The following KCNH7 variants were observed in gnomAD, a reference collection of about 807,000 sequenced individuals.
KCNH7 encodes voltage-gated inwardly rectifying potassium channel KCNH7.
In KCNH7, 49 loss-of-function variants were observed where a neutral mutation model predicts 120.8. The observed-to-expected ratio is 0.41, with a 90% confidence interval of 0.32 to 0.51. KCNH7 has a LOEUF of 0.51. KCNH7 is among the 20% of genes least tolerant of loss of function. The pLI, the probability that KCNH7 is intolerant of heterozygous loss-of-function variation, is 0.38. For synonymous variants in KCNH7, 547 were observed against 516.1 expected (o/e 1.06, Z -0.81); for missense variants, 1,097 against 1,446.6 (o/e 0.76, Z 3.92).
intron 2 of KCNH7, among the ~76,000 whole-genome samples, chr2:162,549,863 G>A (rs964168569): frequency 6.6e-6 from 1 of 152,120 alleles, no homozygotes; most frequent in Non-Finnish European, 1.5e-5. Flanking sequence ...TTGTCATCTT[G>A]TAACATCACT....
intron 2 of KCNH7, among the ~76,000 whole-genome samples, chr2:162,624,689 A>C (rs1361632748): frequency 6.6e-6 from 1 of 152,016 alleles, no homozygotes; most frequent in Non-Finnish European, 1.5e-5. Context: ...TATCATATAC[A>C]TCTTTCCAGA....
At chr2:162,780,900 GT>G (rs998464380) in intron 2 of KCNH7, among the ~76,000 whole-genome samples, 3 of 152,166 alleles carry the variant, frequency 2.0e-5, no homozygotes, top group East Asian at 1.9e-4. Flanking sequence ...TAAAAAGACT[GT>G]AATAAACTGG....
intron 2 of KCNH7, among the ~76,000 whole-genome samples, chr2:162,756,861 T>C (rs766352498): frequency 3.9e-5 from 6 of 152,146 alleles, no homozygotes; most frequent in Non-Finnish European, 8.8e-5. Context: ...AGATTCGCTT[T>C]TAGATGACAC....
In KCNH7 at chr2:162,380,094, A is replaced by T. The variant is rs549873864; in HGVS notation, c.2963-73T>A. 358 of 1,531,776 alleles carry T rather than the reference A, an allele frequency of 2.3e-4. No homozygotes were observed. In the African/African-American group the frequency reaches 4.4e-3, roughly 19 times the overall value. 94.9% of individuals were successfully genotyped at this position (1,531,776 alleles called of 1,614,324 possible). A position where few individuals can be genotyped will look rare whatever the true frequency, so the allele number is the denominator to read the frequency against. On this transcript the variant is annotated intron_variant, in intron 13 of 15. Coordinates refer to ENST00000332142, the MANE Select transcript of KCNH7 (RefSeq NM_033272.4). ...GCGTCAATAATTCATAGATATCCACAAGACAAGCTGGAAAGGATCGGAGTA... is the reference window on the plus strand; with the variant it reads ...GCGTCAATAATTCATAGATATCCACTAGACAAGCTGGAAAGGATCGGAGTA...
At chr2:162,559,644 T>C (rs1050907466) in intron 2 of KCNH7, among the ~76,000 whole-genome samples, 2 of 152,208 alleles carry the variant, frequency 1.3e-5, no homozygotes, top group East Asian at 1.9e-4. Flanking sequence ...CACTTCATTG[T>C]AACCTCTTCA....
At position 162,668,937 on chromosome 2, in the gene KCNH7, T is replaced by G. The variant is rs373960108; in HGVS notation, c.308-131857A>C. On this transcript the variant is annotated intron_variant, in intron 2 of 15. Transcript: ENST00000332142. ...AAATGTAATACTTGAAATTAAAAAC[T>G]TAATAGATGTGTTCAATAGCAGATA... is the stretch of plus-strand genomic sequence containing the variant. 3.5e-4 allele frequency among the ~76,000 whole-genome samples: 53 copies of G among 152,212 alleles called. No homozygotes were observed. In the South Asian group the frequency reaches 0.01, roughly 30 times the overall value.
At chr2:162,447,631 G>A (rs889605859) in intron 6 of KCNH7, among the ~76,000 whole-genome samples, 1 of 152,084 alleles carries the variant, frequency 6.6e-6, no homozygotes. Context: ...CAGCTTTGCA[G>A]CATGGATCTC....
rs758417385 is a variant in KCNH7 at position 162,419,274 on chromosome 2, T to TAAA, written c.2154+4059_2154+4061dup. On this transcript the variant is annotated intron_variant, in intron 9 of 15. Coordinates refer to ENST00000332142, the MANE Select transcript of KCNH7 (RefSeq NM_033272.4). Reference sequence around the variant, plus strand: ...AATTTCCTCCATTAATGTCCCAGGCTAAAAAAAAAAAAAAAAAAAAAAAGC... The same window carrying TAAA: ...AATTTCCTCCATTAATGTCCCAGGCTAAAAAAAAAAAAAAAAAAAAAAAAAAGC... 2.6e-3 allele frequency among the ~76,000 whole-genome samples: 161 copies of TAAA among 61,862 alleles called. 3 individuals are homozygous for TAAA. The highest frequency in any genetic ancestry group is 8.6e-3 in the African/African-American group (145 of 16,842). The allele number at this position is 61,862 out of a possible 152,430, so 40.6% of individuals were successfully genotyped here. A position where few individuals can be genotyped will look rare whatever the true frequency, so the allele number is the denominator to read the frequency against.
intron 2 of KCNH7, among the ~76,000 whole-genome samples, chr2:162,827,936 G>A (rs1352339276): frequency 1.3e-5 from 2 of 152,124 alleles, no homozygotes; most frequent in Admixed American, 6.6e-5. Context: ...TGGGAGAAGA[G>A]CTATCCTGAG....
intron 2 of KCNH7, among the ~76,000 whole-genome samples, chr2:162,752,919 A>AAAAGAAAAGAAAAGT: frequency 1.6e-5 from 1 of 63,096 alleles, no homozygotes; most frequent in Non-Finnish European, 2.8e-5. Context: ...AAAAGAAAAG[A>AAAAGAAAAGAAAAGT]AAAGAAAAGA....
chr2:162,450,006 A>C (rs924841317), intron 6 of KCNH7, among the ~76,000 whole-genome samples: 1 of 152,098 alleles, frequency 6.6e-6, no homozygotes, highest in African/African-American at 2.4e-5. Flanking sequence ...TAATAGATAC[A>C]ACATTTTTCT....
At chr2:162,802,653 T>C in intron 2 of KCNH7, among the ~76,000 whole-genome samples, 1 of 151,876 alleles carries the variant, frequency 6.6e-6, no homozygotes, top group Middle Eastern at 3.4e-3. Flanking sequence ...TGACAATATA[T>C]TTTATCTAAT....
chr2:162,564,042 T>C (rs1693162730), intron 2 of KCNH7, among the ~76,000 whole-genome samples: 1 of 152,186 alleles, frequency 6.6e-6, no homozygotes, highest in Non-Finnish European at 1.5e-5. Context: ...TTATTTTCTT[T>C]CAAACCTTAA....
At chr2:162,555,686 A>C (rs1454602157) in intron 2 of KCNH7, among the ~76,000 whole-genome samples, 1 of 152,126 alleles carries the variant, frequency 6.6e-6, no homozygotes, top group Non-Finnish European at 1.5e-5. Flanking sequence ...TGGGATTCTT[A>C]GACCCTAGGT....
At position 162,485,332 on chromosome 2, in the gene KCNH7, A is replaced by G. The variant is rs1212754951; in HGVS notation, c.1128+19111T>C. Among the ~76,000 whole-genome samples, 6 of 152,200 alleles carry G rather than the reference A, an allele frequency of 3.9e-5. No individual in the cohort carries two copies. In the East Asian group the frequency reaches 5.8e-4, roughly 15 times the overall value. ...ATTTTAATTCATTATTGATATCTAA[A>G]TATAAAAATGTGATAATAATCTTTC... is the stretch of plus-strand genomic sequence containing the variant. On this transcript the variant is annotated intron_variant, in intron 6 of 15. Transcript: ENST00000332142.
chr2:162,552,644 G>A (rs1692710475), intron 2 of KCNH7, among the ~76,000 whole-genome samples: 1 of 152,218 alleles, frequency 6.6e-6, no homozygotes, highest in Non-Finnish European at 1.5e-5. Context: ...AATCACAGGA[G>A]ACTTTTAAAA....
intron 6 of KCNH7, among the ~76,000 whole-genome samples, chr2:162,496,383 C>T (rs1359783771): frequency 6.6e-6 from 1 of 152,078 alleles, no homozygotes; most frequent in Non-Finnish European, 1.5e-5. Flanking sequence ...CTGCAGTGGA[C>T]TAAGGGCCCG....
In KCNH7 at chr2:162,372,033, C is replaced by A; in HGVS notation, c.3387G>T (p.Gly1129=). 1 of 1,612,772 alleles carries A rather than the reference C, an allele frequency of 6.2e-7. No homozygotes were observed. ...KLKSKESLSS[G]VHLNTASEDN... ...CTTCTGAAGCTGTGTTCAGATGCAC[C>A]CCACTTGAAAGGGATTCTTTGGATT... The change falls in exon 16 of 16, where the codon GGG becomes GGT. Residue 1129 remains glycine (G), a synonymous_variant. Transcript: ENST00000332142.
chr2:162,435,043 A>T (rs1210685507), intron 8 of KCNH7, among the ~76,000 whole-genome samples, 155 bp downstream of exon 8: 1 of 152,116 alleles, frequency 6.6e-6, no homozygotes, highest in African/African-American at 2.4e-5. Flanking sequence ...CACAGAGAGA[A>T]TCAGATTTGA....
Sources: gnomAD v4.1 joint callset for allele counts (sites outside exome capture counted in the v4.1 genomes callset) on GRCh38, gnomAD v4.1.1 for gene constraint, MANE v1.5 for transcripts, NCBI Gene and HGNC (gene_info 2026-07-23, HGNC 2026-07-21) for gene names.